The following CAPS2 variants were observed in gnomAD, a reference collection of about 807,000 sequenced individuals.
CAPS2 encodes calcyphosin-2.
In CAPS2, 98 loss-of-function variants were observed where a neutral mutation model predicts 86.5. The ratio of observed to expected loss-of-function variants is 1.13; its 90% CI spans 0.96 to 1.34. CAPS2 has a LOEUF of 1.34. CAPS2 is among the 40% of genes most tolerant of loss of function. The pLI is 0.00. For missense variants in CAPS2, 729 were observed against 686.8 expected (o/e 1.06, Z -0.69); for synonymous variants, 210 against 225.1 (o/e 0.93, Z 0.60).
chr12:75,323,315 A>T, intron 2 of CAPS2, 93 bp from the exon 4 acceptor site: 1 of 1,003,512 alleles, frequency 1.0e-6, no homozygotes, highest in Non-Finnish European at 1.5e-6. Flanking sequence ...AAATAGGTAC[A>T]CTGAAACCAA....
chr12:75,299,109 A>T (rs1156431896), intron 9 of CAPS2, 143 bp from the exon 10 acceptor site: 1 of 529,136 alleles, frequency 1.9e-6, no homozygotes, highest in African/African-American at 1.9e-5. Flanking sequence ...ACTGTAGGGA[A>T]AACACAAAAA....
At chr12:75,331,533 C>T (rs915791625), upstream of CAPS2, among the ~76,000 whole-genome samples, 14 of 151,978 alleles carry the variant, frequency 9.2e-5, no homozygotes, top group Non-Finnish European at 1.8e-4. Flanking sequence ...TAGCAGAAAA[C>T]ACACATAAAA....
intron 1 of CAPS2, among the ~76,000 whole-genome samples, chr12:75,377,216 A>C (rs2044697269): frequency 6.6e-6 from 1 of 152,200 alleles, no homozygotes. Flanking sequence ...CAGAAACCCC[A>C]AAACCAACTA....
At chr12:75,334,421 C>G, upstream of CAPS2, 1 of 1,110,652 alleles carries the variant, frequency 9.0e-7, no homozygotes, top group South Asian at 3.2e-5. Flanking sequence ...ATCTGTATTA[C>G]AATCCAGACG....
At chr12:75,352,631 C>T (rs1007453104) in intron 1 of CAPS2, among the ~76,000 whole-genome samples, 1 of 152,180 alleles carries the variant, frequency 6.6e-6, no homozygotes, top group Non-Finnish European at 1.5e-5. Flanking sequence ...TGAAGTTGAA[C>T]TCAGCTCTGG....
intron 1 of CAPS2, among the ~76,000 whole-genome samples, chr12:75,371,811 G>A (rs923260275): frequency 6.6e-6 from 1 of 152,140 alleles, no homozygotes; most frequent in South Asian, 2.1e-4. Flanking sequence ...ACAAAATAAG[G>A]AGAAAATACT....
chr12:75,294,134 CG>C (rs1565807925), intron 11 of CAPS2, among the ~76,000 whole-genome samples: 1 of 151,898 alleles, frequency 6.6e-6, no homozygotes, highest in African/African-American at 2.4e-5. Context: ...TTAATAGAGA[CG>C]GGGTTTCACC....
chr12:75,378,085 C>A (rs1207227602), intron 1 of CAPS2, among the ~76,000 whole-genome samples: 1 of 151,992 alleles, frequency 6.6e-6, no homozygotes, highest in Non-Finnish European at 1.5e-5. Context: ...GCAACCTCCA[C>A]CTACCAGGCT....
At chr12:75,348,317 C>G (rs2042585838) in intron 1 of CAPS2, among the ~76,000 whole-genome samples, 1 of 151,988 alleles carries the variant, frequency 6.6e-6, no homozygotes, top group African/African-American at 2.4e-5. Context: ...AAGATAAAAA[C>G]AAAGACAAAG....
intron 13 of CAPS2, among the ~76,000 whole-genome samples, chr12:75,290,572 T>C (rs1397803646): frequency 1.3e-5 from 2 of 152,156 alleles, no homozygotes; most frequent in African/African-American, 4.8e-5. Context: ...GTTTCTTGCC[T>C]TCTTACTGTG....
At chr12:75,351,730 A>G (rs1306739468) in intron 1 of CAPS2, among the ~76,000 whole-genome samples, 1 of 152,054 alleles carries the variant, frequency 6.6e-6, no homozygotes, top group Non-Finnish European at 1.5e-5. Context: ...TATTTTTAGT[A>G]CAGACGGGGT....
At position 75,296,273 on chromosome 12, in the gene CAPS2, T is replaced by A. The variant is rs374496762; in HGVS notation, c.1044+2414A>T. On this transcript the variant is annotated intron_variant, in intron 11 of 16. Transcript: ENST00000393284. ...GTGTCAGTGCATATATGCGTGCATATGAGTAAATACATATGTGGGTACACT... is the reference window on the plus strand; with the variant it reads ...GTGTCAGTGCATATATGCGTGCATAAGAGTAAATACATATGTGGGTACACT... 2.8e-4 allele frequency among the ~76,000 whole-genome samples: 42 copies of A among 152,222 alleles called. No individual in the cohort carries two copies. In the East Asian group the frequency reaches 4.1e-3, roughly 15 times the overall value.
chr12:75,335,864 G>A (rs2041699405), intron 1 of CAPS2, among the ~76,000 whole-genome samples: 1 of 151,916 alleles, frequency 6.6e-6, no homozygotes, highest in South Asian at 2.1e-4. Context: ...ACGGAATTCA[G>A]AAATACTAAT....
intron 5 of CAPS2, 39 bp from the exon 6 acceptor site, chr12:75,316,473 T>C: frequency 6.8e-7 from 1 of 1,471,636 alleles, no homozygotes; most frequent in Non-Finnish European, 9.0e-7. Context: ...CATACACATA[T>C]TTAGAATGTT....
chr12:75,322,733 A>C (rs2040418512), intron 4 of CAPS2, among the ~76,000 whole-genome samples: 1 of 152,196 alleles, frequency 6.6e-6, no homozygotes, highest in Non-Finnish European at 1.5e-5. Flanking sequence ...AGAGCTTGCC[A>C]TATTTTTAAA....
chr12:75,320,143 A>G (rs1446758521), intron 5 of CAPS2, among the ~76,000 whole-genome samples: 1 of 152,154 alleles, frequency 6.6e-6, no homozygotes, highest in Non-Finnish European at 1.5e-5. Context: ...TGGCTTCTAT[A>G]AAGCTCTTTA....
intron 7 of CAPS2, chr12:75,306,120 C>G: frequency 8.2e-7 from 1 of 1,219,996 alleles, no homozygotes; most frequent in Non-Finnish European, 1.2e-6. Flanking sequence ...CTTCCACATT[C>G]GGGAACGTGC....
intron 1 of CAPS2, chr12:75,363,314 C>A: frequency 2.4e-6 from 1 of 409,098 alleles, no homozygotes. Context: ...TGTTATCTTA[C>A]GATATAAATC....
At chr12:75,291,993 G>T (rs1172033432) in intron 12 of CAPS2, among the ~76,000 whole-genome samples, 173 bp from the exon 13 acceptor site, 1 of 152,060 alleles carries the variant, frequency 6.6e-6, no homozygotes, top group Non-Finnish European at 1.5e-5. Context: ...TGCCTAAGAA[G>T]ATTAAACTGA....
Sources: gnomAD v4.1 joint callset for allele counts (sites outside exome capture counted in the v4.1 genomes callset) on GRCh38, gnomAD v4.1.1 for gene constraint, MANE v1.5 for transcripts, NCBI Gene and HGNC (gene_info 2026-07-23, HGNC 2026-07-21) for gene names.